The following KIRREL3 variants were observed in gnomAD, a reference collection of about 807,000 sequenced individuals.
KIRREL3 encodes kin of IRRE-like protein 3.
In KIRREL3, 36 loss-of-function variants were observed where a neutral mutation model predicts 89.7. That is an observed-to-expected ratio of 0.40 (90% CI 0.31 to 0.53). KIRREL3 has a LOEUF of 0.53. KIRREL3 is among the 20% of genes least tolerant of loss of function. KIRREL3 has a pLI of 0.49. For missense variants in KIRREL3, 864 were observed against 1,056.6 expected, an observed-to-expected ratio of 0.82 and a Z score of 2.53; for synonymous variants, 445 against 441.4, an observed-to-expected ratio of 1.01 and a Z score of -0.10.
rs918326791 is a variant in KIRREL3 at position 126,697,224 on chromosome 11, C to T, written c.56-134312G>A. On this transcript the variant is annotated intron_variant, in intron 1 of 16. Transcript: ENST00000525144. The surrounding 1 kb of genome is among the most constrained non-coding windows in gnomAD (Gnocchi z 4.2). ...AATTACAATTGTAATTGTTTATGTG[C>T]TTGTTTATGCGGGAGATGACAGGAC... Among the ~76,000 whole-genome samples the T allele has an allele frequency of 5.3e-5, 8 of 152,126 alleles. No homozygotes were observed. Among genetic ancestry groups the T allele is most frequent in the African/African-American group, 1.9e-4 (8 of 41,426 alleles).
In KIRREL3 at chr11:126,715,422, T is replaced by G. The variant is rs1246313934; in HGVS notation, c.56-152510A>C. Among the ~76,000 whole-genome samples the G allele has an allele frequency of 6.6e-6, 1 of 152,196 alleles. No individual in the cohort carries two copies. The highest frequency in any genetic ancestry group is 2.4e-5 in the African/African-American group (1 of 41,454). ...AATTAAAATGCAAGTTTTAAGTCAG[T>G]GCTCTCCTTTCCTGGGGATTGTTGA... On this transcript the variant is annotated intron_variant, in intron 1 of 16. Transcript: ENST00000525144. The surrounding 1 kb of genome is among the most constrained non-coding windows in gnomAD (Gnocchi z 4.4).
At chr11:126,794,996 G>A (rs551780041) in intron 1 of KIRREL3, among the ~76,000 whole-genome samples, 5 of 152,290 alleles carry the variant, frequency 3.3e-5, no homozygotes, top group Middle Eastern at 3.4e-3. Context: ...GTCTGAAAAG[G>A]CTAAATACTG....
At chr11:126,583,378 TTAAGA>T (rs1461080586) in intron 1 of KIRREL3, among the ~76,000 whole-genome samples, 1 of 152,158 alleles carries the variant, frequency 6.6e-6, no homozygotes, top group Non-Finnish European at 1.5e-5. Context: ...TCTCCTCAGC[TTAAGA>T]TAGCTGGGAT....
Position 126,522,696 on chromosome 11 carries a change from TTC to T in KIRREL3, c.284-1234_284-1233del, listed in dbSNP as rs1476616203. ...GGTCTCGGGCCCTACACCTCCCTAT[TTC>T]TCTTTCCATCCATCTCCTCACTGAG... is the stretch of plus-strand genomic sequence containing the variant. On this transcript the variant is annotated intron_variant, in intron 3 of 16. Coordinates refer to ENST00000525144, the MANE Select transcript of KIRREL3 (RefSeq NM_032531.4). This position sits in a 1 kb window ranked among gnomAD's most constrained non-coding sequence, Gnocchi z 6.0. 5.3e-5 allele frequency among the ~76,000 whole-genome samples: 8 copies of T among 152,350 alleles called. No homozygotes were observed. Among genetic ancestry groups the T allele is most frequent in the African/African-American group, 1.9e-4 (8 of 41,584 alleles).
rs1338172519 is a variant in KIRREL3 at position 126,431,561 on chromosome 11, T to C, written c.1589-35A>G. ...AGAAGCGGGCACAGCTGATGACGGATGGGGAATGGCCTACTATCCCCCCAT... is the reference window on the plus strand; with the variant it reads ...AGAAGCGGGCACAGCTGATGACGGACGGGGAATGGCCTACTATCCCCCCAT... On this transcript the variant is annotated intron_variant, in intron 13 of 16. Coordinates refer to ENST00000525144, the MANE Select transcript of KIRREL3 (RefSeq NM_032531.4). The surrounding 1 kb of genome is among the most constrained non-coding windows in gnomAD (Gnocchi z 7.1). 1.9e-6 allele frequency: 3 copies of C among 1,587,788 alleles called. No individual in the cohort carries two copies. Among genetic ancestry groups the C allele is most frequent in the African/African-American group, 1.3e-5 (1 of 74,360 alleles).
At chr11:126,856,555 GTA>G (rs36218965) in intron 1 of KIRREL3, among the ~76,000 whole-genome samples, 2,026 of 135,926 alleles carry the variant, frequency 0.015, 14 homozygotes, top group African/African-American at 0.024. Context: ...ATTTTTCTAA[GTA>G]TATATATATA....
chr11:126,847,501 C>T (rs752582174), intron 1 of KIRREL3, among the ~76,000 whole-genome samples: 2 of 151,948 alleles, frequency 1.3e-5, no homozygotes, highest in African/African-American at 2.4e-5. Context: ...TTAACAGGTG[C>T]TCTTAAATGC....
At position 126,570,291 on chromosome 11, in the gene KIRREL3, T is replaced by TC. The variant is rs1265245022; in HGVS notation, c.56-7380dup. 2.0e-5 allele frequency among the ~76,000 whole-genome samples: 3 copies of TC among 152,232 alleles called. No individual in the cohort carries two copies. The highest frequency in any genetic ancestry group is 4.4e-5 in the Non-Finnish European group (3 of 68,044). On this transcript the variant is annotated intron_variant, in intron 1 of 16. Coordinates refer to ENST00000525144, the MANE Select transcript of KIRREL3 (RefSeq NM_032531.4). This position sits in a 1 kb window ranked among gnomAD's most constrained non-coding sequence, Gnocchi z 6.1. ...GTTAATTATACTAGAACTAAGTTTT[T>TC]CCCCATTCATATTATCAATTAGTTG...
At position 126,965,121 on chromosome 11, in the gene KIRREL3, G is replaced by C. The variant is rs1949224449; in HGVS notation, c.55+35334C>G. Among the ~76,000 whole-genome samples the C allele has an allele frequency of 6.6e-6, 1 of 152,208 alleles. No homozygotes were observed. Among genetic ancestry groups the C allele is most frequent in the Non-Finnish European group, 1.5e-5 (1 of 68,038 alleles). ...CCACAGAAAAAGCGGCTCAAGAACA[G>C]AGAGATAAAATGGAGATAAGTGTGA... is the stretch of plus-strand genomic sequence containing the variant. On this transcript the variant is annotated intron_variant, in intron 1 of 16. Coordinates refer to ENST00000525144, the MANE Select transcript of KIRREL3 (RefSeq NM_032531.4). The surrounding 1 kb of genome is among the most constrained non-coding windows in gnomAD (Gnocchi z 4.4).
rs1945552985 is a variant in KIRREL3, at chr11:126,664,292, C to G, written c.56-101380G>C. ...TCAACCCAGCACCAATTATGTAGAG[C>G]AGGCAAAGTACAAAGAGGCTCACAC... On this transcript the variant is annotated intron_variant, in intron 1 of 16. Coordinates refer to ENST00000525144, the MANE Select transcript of KIRREL3 (RefSeq NM_032531.4). The surrounding 1 kb of genome is among the most constrained non-coding windows in gnomAD (Gnocchi z 5.4). 6.6e-6 allele frequency among the ~76,000 whole-genome samples: 1 copy of G among 151,462 alleles called. No individual in the cohort carries two copies. The highest frequency in any genetic ancestry group is 2.4e-5 in the African/African-American group (1 of 41,126).
chr11:126,592,811 G>A (rs191316445), intron 1 of KIRREL3, among the ~76,000 whole-genome samples: 280 of 152,314 alleles, frequency 1.8e-3, no homozygotes, highest in African/African-American at 6.3e-3. Context: ...TGAGCTGGGT[G>A]TGGTCACAGC....
chr11:126,938,286 C>A (rs1358522531), intron 1 of KIRREL3, among the ~76,000 whole-genome samples: 2 of 152,196 alleles, frequency 1.3e-5, no homozygotes, highest in Non-Finnish European at 2.9e-5. Flanking sequence ...TTAATAACAG[C>A]CACAACCACA....
rs1956486830 is a variant in KIRREL3 at position 126,459,795 on chromosome 11, A to G, written c.743-3341T>C. ...GAGGGTGGGAAAAGAGAGAATCTTC[A>G]TGACTCAGTGATTTTGTAGCACATT... On this transcript the variant is annotated intron_variant, in intron 6 of 16. Transcript: ENST00000525144. This position sits in a 1 kb window ranked among gnomAD's most constrained non-coding sequence, Gnocchi z 4.8. Among the ~76,000 whole-genome samples, 1 of 152,156 alleles carries G rather than the reference A, an allele frequency of 6.6e-6. No homozygotes were observed. The highest frequency in any genetic ancestry group is 6.5e-5 in the Admixed American group (1 of 15,274).
rs764230850 is a variant in KIRREL3, at chr11:126,639,608, G to A, written c.56-76696C>T. ...GCTCTGCAAGCTGGAGATGAGATCG[G>A]CTAATCCTGACTCTATTCTTTCGTC... On this transcript the variant is annotated intron_variant, in intron 1 of 16. Transcript: ENST00000525144. This position sits in a 1 kb window ranked among gnomAD's most constrained non-coding sequence, Gnocchi z 4.3. Among the ~76,000 whole-genome samples, 2 of 152,222 alleles carry A rather than the reference G, an allele frequency of 1.3e-5. No homozygotes were observed. Among genetic ancestry groups the A allele is most frequent in the African/African-American group, 2.4e-5 (1 of 41,450 alleles).
chr11:126,436,329 G>C (rs11220493), intron 12 of KIRREL3, among the ~76,000 whole-genome samples: 128,711 of 152,260 alleles, frequency 0.85, 55,107 homozygotes, highest in African/African-American at 0.96. Context: ...TGTGGGACTT[G>C]TGTCTGAGTA....
At chr11:126,711,244 G>A (rs1475173027) in intron 1 of KIRREL3, among the ~76,000 whole-genome samples, 3 of 152,200 alleles carry the variant, frequency 2.0e-5, no homozygotes, top group Admixed American at 6.5e-5. Flanking sequence ...CCTGATGCGC[G>A]AGCACATAAC....
chr11:126,519,043 A>C lies in KIRREL3; in HGVS notation c.433+2272T>G, dbSNP rs533931504. Among the ~76,000 whole-genome samples the C allele has an allele frequency of 7.2e-5, 11 of 152,292 alleles. No homozygotes were observed. Among genetic ancestry groups the C allele is most frequent in the African/African-American group, 2.4e-4 (10 of 41,570 alleles). On this transcript the variant is annotated intron_variant, in intron 4 of 16. Transcript: ENST00000525144. The surrounding 1 kb of genome is among the most constrained non-coding windows in gnomAD (Gnocchi z 4.3). ...TTTCTGGCTCTCAGGAATTTCACGG[A>C]GGGGACCCTGCTGGGGATCATGGAA...
Position 126,766,562 on chromosome 11 carries a change from T to A in KIRREL3, c.56-203650A>T, listed in dbSNP as rs1949829713. ...AGGGCAGGTGGTGGTATCTTCTGGG[T>A]CTTGGGGAACCATCCAAAAGAGATT... is the stretch of plus-strand genomic sequence containing the variant. On this transcript the variant is annotated intron_variant, in intron 1 of 16. Transcript: ENST00000525144. The surrounding 1 kb of genome is among the most constrained non-coding windows in gnomAD (Gnocchi z 4.2). Among the ~76,000 whole-genome samples, 1 of 151,976 alleles carries A rather than the reference T, an allele frequency of 6.6e-6. No homozygotes were observed. The highest frequency in any genetic ancestry group is 1.5e-5 in the Non-Finnish European group (1 of 68,002).
chr11:126,798,237 C>T (rs1296421245), intron 1 of KIRREL3, among the ~76,000 whole-genome samples: 2 of 152,162 alleles, frequency 1.3e-5, no homozygotes, highest in Admixed American at 1.3e-4. Context: ...GGGTGCACAG[C>T]TCCTTCCTCT....
Sources: allele counts gnomAD v4.1 joint callset (sites outside exome capture counted in the v4.1 genomes callset), GRCh38; gene constraint gnomAD v4.1.1; non-coding constraint Gnocchi (gnomAD v3.1); transcripts MANE v1.5; gene names NCBI Gene and HGNC (gene_info 2026-07-23, HGNC 2026-07-21).